The following ZNF780B variants were observed in gnomAD, a reference collection of about 807,000 sequenced individuals.
ZNF780B encodes zinc finger protein 780B, also known as zinc finger protein 779.
A neutral mutation model predicts 74.1 loss-of-function variants in ZNF780B; 52 were observed. The ratio of observed to expected loss-of-function variants is 0.70; its 90% CI spans 0.56 to 0.88. ZNF780B has a LOEUF of 0.88. Ranked by LOEUF, ZNF780B falls within the 40% of genes least tolerant of loss-of-function variation. The pLI is 0.00. For synonymous variants in ZNF780B, 315 were observed against 324.3 expected (o/e 0.97, Z 0.31); for missense variants, 953 against 1,007.6 (o/e 0.95, Z 0.73).
In ZNF780B at chr19:40,035,632, A is replaced by T; in HGVS notation, c.1227T>A (p.Ser409Arg). Residue 409 changes from serine to arginine, a missense_variant, in exon 5 of 5, where the codon AGT becomes AGA. Physicochemically the swap from Ser to Arg is moderately radical, Grantham distance 110. Coordinates refer to ENST00000434248, the MANE Select transcript of ZNF780B (RefSeq NM_001005851.3). Reference protein sequence around the residue: ...NRSSNLIQHQSIHADVKPYEC... With the variant: ...NRSSNLIQHQRIHADVKPYEC... Reference sequence around the variant, plus strand: ...CATATGGTTTTACATCAGCATGAATACTCTGGTGTTGAATAAGGTTTGAAC... The same window carrying T: ...CATATGGTTTTACATCAGCATGAATTCTCTGGTGTTGAATAAGGTTTGAAC... 6 of 1,613,814 alleles carry T rather than the reference A, an allele frequency of 3.7e-6. No homozygotes were observed. The highest frequency in any genetic ancestry group is 5.1e-6 in the Non-Finnish European group (6 of 1,179,956).
intron 4 of ZNF780B, among the ~76,000 whole-genome samples, chr19:40,044,284 G>C (rs914842777): frequency 6.6e-6 from 1 of 152,128 alleles, no homozygotes; most frequent in African/African-American, 2.4e-5. Flanking sequence ...AGGAAGCTCA[G>C]AGATACCCAA....
At position 40,035,067 on chromosome 19, in the gene ZNF780B, T is replaced by A; in HGVS notation, c.1792A>T (p.Met598Leu). 2 of 1,613,954 alleles carry A rather than the reference T, an allele frequency of 1.2e-6. No homozygotes were observed. The highest frequency in any genetic ancestry group is 1.7e-6 in the Non-Finnish European group (2 of 1,179,984). ...AATTTCTGATGTCGAATAAGGTGCA[T>A]ATGAAGTCGAAAGGCTTTCCCACAT... Reference protein sequence around the residue: ...KECGKAFRLHMHLIRHQKFHT... With the variant: ...KECGKAFRLHLHLIRHQKFHT... The change falls in exon 5 of 5, where the codon ATG becomes TTG. Residue 598 changes from methionine to leucine, a missense_variant. By Grantham distance (15) the Met-to-Leu change is conservative (BLOSUM62 2). Transcript: ENST00000434248.
chr19:40,055,298 T>C (rs1973442635), intron 1 of ZNF780B: 1 of 151,800 alleles, frequency 6.6e-6, no homozygotes, highest in Admixed American at 6.6e-5. Context: ...GGCGGCACAA[T>C]GGGAGGGGGC....
rs1972223158 is a variant in ZNF780B at position 40,035,398 on chromosome 19, CTG to C, written c.1459_1460del (p.Gln487AlafsTer5). On this transcript the variant is annotated frameshift_variant, in exon 5 of 5. Coordinates refer to ENST00000434248, the MANE Select transcript of ZNF780B (RefSeq NM_001005851.3). LOFTEE classifies it high-confidence loss of function. ...TATGAATGTTCTTATGTCGAGCAAG[CTG>C]TGTCAGAAGACTAAAGGCCTTTCCA... ...ECGKAFSLLT[Q>X]LARHKNIHTG... 1.2e-6 allele frequency: 2 copies of C among 1,614,086 alleles called. No individual in the cohort carries two copies. The highest frequency in any genetic ancestry group is 1.7e-6 in the Non-Finnish European group (2 of 1,180,008).
chr19:40,040,086 T>A (rs952962391), intron 4 of ZNF780B, among the ~76,000 whole-genome samples: 1 of 152,244 alleles, frequency 6.6e-6, no homozygotes, highest in Non-Finnish European at 1.5e-5. Context: ...ATACATCCCA[T>A]CAATACCTCA....
chr19:40,034,180 G>T lies in ZNF780B; in HGVS notation c.*177C>A. 1 of 666,940 alleles carries T rather than the reference G, an allele frequency of 1.5e-6. No homozygotes were observed. The allele number at this position is 666,940 out of a possible 1,614,324, so 41.3% of individuals were successfully genotyped here. ...AAGGCTTTCCCACATTCTTCACATT[G>T]ATATGGTTTCTCACCAGTATGAATT... On this transcript the variant is annotated 3_prime_UTR_variant, in exon 5 of 5. Coordinates refer to ENST00000434248, the MANE Select transcript of ZNF780B (RefSeq NM_001005851.3).
chr19:40,039,628 A>C (rs1407179421), intron 4 of ZNF780B, among the ~76,000 whole-genome samples: 1 of 152,068 alleles, frequency 6.6e-6, no homozygotes, highest in African/African-American at 2.4e-5. Context: ...GGTCCTTCAC[A>C]TCCCTTGTAA....
In ZNF780B at chr19:40,039,297, C is replaced by T. The variant is rs575203649; in HGVS notation, c.233-2671G>A. On this transcript the variant is annotated intron_variant, in intron 4 of 4. Transcript: ENST00000434248. ...TCTCTGTTTTGGTAACAGTACCATG[C>T]TGTTTTGGTTACTGTAGCCTTGTAG... 7.8e-3 allele frequency among the ~76,000 whole-genome samples: 1,191 copies of T among 152,306 alleles called. 6 individuals are homozygous for T. Among genetic ancestry groups the T allele is most frequent in the Non-Finnish European group, 0.012 (792 of 68,034 alleles).
intron 1 of ZNF780B, 28 bp from the exon 2 acceptor site, chr19:40,050,405 C>T: frequency 4.5e-6 from 7 of 1,544,434 alleles, no homozygotes; most frequent in Non-Finnish European, 6.1e-6. Flanking sequence ...CAAAAAGGCC[C>T]TAAGTCAAGC....
At chr19:40,050,483 C>T in intron 1 of ZNF780B, 106 bp from the exon 2 acceptor site, 1 of 1,100,050 alleles carries the variant, frequency 9.1e-7, no homozygotes, top group Non-Finnish European at 1.3e-6. Flanking sequence ...TACTCCTGCT[C>T]ACACGCACAC....
At position 40,035,318 on chromosome 19, in the gene ZNF780B, G is replaced by C; in HGVS notation, c.1541C>G (p.Ser514Trp). Residue 514 changes from serine (S) to tryptophan (W), a missense_variant, in exon 5 of 5, where the codon TCG becomes TGG. Ser to Trp is a radical substitution (Grantham distance 177). Coordinates refer to ENST00000434248, the MANE Select transcript of ZNF780B (RefSeq NM_001005851.3). ...KDCGKAFNRG[S>W]NLVQHQSIHT... ...AATACTCTGATGTTGAACAAGGTTC[G>C]AGCCACGATTGAAGGCCTTCCCACA... 6.2e-7 allele frequency: 1 copy of C among 1,614,032 alleles called. No individual in the cohort carries two copies. The highest frequency in any genetic ancestry group is 1.1e-5 in the South Asian group (1 of 91,066).
At chr19:40,047,625 T>TAAA (rs371269163) in intron 3 of ZNF780B, among the ~76,000 whole-genome samples, 155 bp from the exon 4 acceptor site, 11 of 141,724 alleles carry the variant, frequency 7.8e-5, no homozygotes, top group Admixed American at 6.3e-4. Context: ...CAACTATGTT[T>TAAA]AAAAAAAAAA....
rs148409749 is a variant in ZNF780B at position 40,043,847 on chromosome 19, G to A, written c.232+3528C>T. ...AGGAAAGGGAACTCCCTGACCCCTT[G>A]CACTTCCCGAGTGAGGCAATGCCTC... On this transcript the variant is annotated intron_variant, in intron 4 of 4. Coordinates refer to ENST00000434248, the MANE Select transcript of ZNF780B (RefSeq NM_001005851.3). 7.8e-3 allele frequency among the ~76,000 whole-genome samples: 1,190 copies of A among 152,350 alleles called. 6 individuals are homozygous for A. Among genetic ancestry groups the A allele is most frequent in the Non-Finnish European group, 0.012 (792 of 68,032 alleles).
At chr19:40,036,729 G>A in intron 4 of ZNF780B, 103 bp from the exon 5 acceptor site, 1 of 702,948 alleles carries the variant, frequency 1.4e-6, no homozygotes, top group Non-Finnish European at 2.2e-6. Context: ...AATACTTTCA[G>A]GGAAGGGATC....
intron 4 of ZNF780B, among the ~76,000 whole-genome samples, chr19:40,043,794 GTGCCATC>G (rs1972790247): frequency 6.6e-6 from 1 of 152,236 alleles, no homozygotes; most frequent in Non-Finnish European, 1.5e-5. Flanking sequence ...GATTTTCCAG[GTGCCATC>G]TGTCACCCCT....
intron 4 of ZNF780B, among the ~76,000 whole-genome samples, chr19:40,040,359 G>T (rs557417133): frequency 2.6e-5 from 4 of 152,138 alleles, no homozygotes; most frequent in African/African-American, 9.7e-5. Context: ...AAGGATATTC[G>T]TCTAAAATTC....
rs1241752546 is a variant in ZNF780B, at chr19:40,029,440, G to A, written c.*4917C>T. On this transcript the variant is annotated 3_prime_UTR_variant, in exon 5 of 5. Coordinates refer to ENST00000434248, the MANE Select transcript of ZNF780B (RefSeq NM_001005851.3). The stretch of plus-strand genomic sequence containing the variant: ...TCATTTCAGCCAGGCCTTAAAAGGA[G>A]ATAAACTTCTCAGCTATCACCATAC... 1 of 154,828 alleles carries A rather than the reference G, an allele frequency of 6.5e-6. No individual in the cohort carries two copies. The highest frequency in any genetic ancestry group is 1.5e-5 in the Non-Finnish European group (1 of 68,218). 9.6% of individuals were successfully genotyped at this position (154,828 alleles called of 1,614,324 possible).
Position 40,030,383 on chromosome 19 carries a change from G to A in ZNF780B, c.*3974C>T, listed in dbSNP as rs1410863464. On this transcript the variant is annotated 3_prime_UTR_variant, in exon 5 of 5. Coordinates refer to ENST00000434248, the MANE Select transcript of ZNF780B (RefSeq NM_001005851.3). ...GTGATAATTCACCCCCCAATCCAGAGAGGACATTAATTTATTCATGAGGGA... is the reference window on the plus strand; with the variant it reads ...GTGATAATTCACCCCCCAATCCAGAAAGGACATTAATTTATTCATGAGGGA... 1 of 152,152 alleles carries A rather than the reference G, an allele frequency of 6.6e-6. No individual in the cohort carries two copies. Among genetic ancestry groups the A allele is most frequent in the Non-Finnish European group, 1.5e-5 (1 of 68,032 alleles). The allele number at this position is 152,152 out of a possible 1,614,324, so 9.4% of individuals were successfully genotyped here.
In ZNF780B at chr19:40,035,709, T is replaced by C; in HGVS notation, c.1150A>G (p.Thr384Ala). ...NQLNRHKNIH[T>A]GEKPFECKEC... ...TTACATTCAAATGGTTTTTCACCTG[T>C]GTGAATATTCTTATGGCGATTAAGC... Residue 384 changes from threonine (T) to alanine (A), a missense_variant, in exon 5 of 5, where the codon ACA (threonine) becomes GCA (alanine). Thr to Ala is a moderately conservative substitution (Grantham distance 58). Coordinates refer to ENST00000434248, the MANE Select transcript of ZNF780B (RefSeq NM_001005851.3). The C allele has an allele frequency of 6.2e-7, 1 of 1,614,086 alleles. No individual in the cohort carries two copies. Among genetic ancestry groups the C allele is most frequent in the Non-Finnish European group, 8.5e-7 (1 of 1,180,000 alleles).
Sources: allele counts gnomAD v4.1 joint callset (sites outside exome capture counted in the v4.1 genomes callset), GRCh38; gene constraint gnomAD v4.1.1; transcripts MANE v1.5; gene names NCBI Gene and HGNC (gene_info 2026-07-23, HGNC 2026-07-21).